The following CNTN6 variants were observed in gnomAD, a reference collection of about 807,000 sequenced individuals.
The protein encoded by CNTN6 is contactin-6.
A neutral mutation model predicts 122.8 loss-of-function variants in CNTN6; 137 were observed. That is an observed-to-expected ratio of 1.12 (90% CI 0.97 to 1.29). The LOEUF is 1.29. Among genes scored for constraint, CNTN6 ranks in the 50% most tolerant of loss-of-function variants. The pLI, the probability that CNTN6 is intolerant of heterozygous loss-of-function variation, is 0.00. For missense variants in CNTN6, 1,634 were observed against 1,223.4 expected (o/e 1.34, Z -5.01); for synonymous variants, 570 against 426.0 (o/e 1.34, Z -4.16).
At chr3:1,136,783 T>G (rs1044102167) in intron 1 of CNTN6, among the ~76,000 whole-genome samples, 1 of 152,210 alleles carries the variant, frequency 6.6e-6, no homozygotes, top group South Asian at 2.1e-4. Flanking sequence ...AAACATGGAC[T>G]CAGGATTCTG....
chr3:1,287,200 C>T (rs1048634252), intron 5 of CNTN6, among the ~76,000 whole-genome samples: 17 of 152,130 alleles, frequency 1.1e-4, no homozygotes, highest in African/African-American at 4.1e-4. Flanking sequence ...TTGAACTCAG[C>T]TCTGCACCAA....
chr3:1,262,268 C>T (rs2094858191), intron 4 of CNTN6, among the ~76,000 whole-genome samples: 1 of 152,040 alleles, frequency 6.6e-6, no homozygotes, highest in Admixed American at 6.6e-5. Flanking sequence ...TAAGCCAAAG[C>T]AATATGCAGT....
chr3:1,348,529 T>C (rs1705118987), intron 11 of CNTN6, among the ~76,000 whole-genome samples: 1 of 152,038 alleles, frequency 6.6e-6, no homozygotes, highest in Non-Finnish European at 1.5e-5. Context: ...ACTCTGAAGG[T>C]CAGATTTTAA....
Position 1,114,168 on chromosome 3 carries a change from T to C in CNTN6, c.-83+21048T>C, listed in dbSNP as rs137857554. On this transcript the variant is annotated intron_variant, in intron 1 of 22. Transcript: ENST00000446702. The stretch of plus-strand genomic sequence containing the variant: ...GTATACACCATTATAATCGCAGACT[T>C]TGGCAGAACGGGAGGGTTGAAATAA... Among the ~76,000 whole-genome samples, 567 of 152,236 alleles carry C rather than the reference T, an allele frequency of 3.7e-3. 4 individuals carry two copies. Among genetic ancestry groups the C allele is most frequent in the African/African-American group, 0.013 (542 of 41,544 alleles).
chr3:1,310,838 C>T (rs768611719), intron 7 of CNTN6, among the ~76,000 whole-genome samples: 1 of 152,056 alleles, frequency 6.6e-6, no homozygotes, highest in South Asian at 2.1e-4. Context: ...CCCATCTCTA[C>T]TAAAAATACA....
intron 4 of CNTN6, among the ~76,000 whole-genome samples, chr3:1,271,665 A>G (rs1432621692): frequency 6.6e-6 from 1 of 152,176 alleles, no homozygotes; most frequent in Non-Finnish European, 1.5e-5. Flanking sequence ...GATTCAGAGG[A>G]TTCAGGACAT....
intron 4 of CNTN6, among the ~76,000 whole-genome samples, chr3:1,262,403 A>T (rs1232093599): frequency 6.6e-6 from 1 of 152,150 alleles, no homozygotes; most frequent in East Asian, 1.9e-4. Flanking sequence ...AGATAAAGGA[A>T]CCTAGAGAGG....
At position 1,250,653 on chromosome 3, in the gene CNTN6, G is replaced by T. The variant is rs542287630; in HGVS notation, c.358+22660G>T. The stretch of plus-strand genomic sequence containing the variant: ...TCTACATAGAGCTCTGAATGTTCCC[G>T]TATCTGAACCCACTTCCCAATCCTC... On this transcript the variant is annotated intron_variant, in intron 4 of 22. Coordinates refer to ENST00000446702, the MANE Select transcript of CNTN6 (RefSeq NM_001289080.2). Among the ~76,000 whole-genome samples, 12 of 152,186 alleles carry T rather than the reference G, an allele frequency of 7.9e-5. No individual in the cohort carries two copies. The South Asian group carries it at 8.3e-4, about 11-fold the overall frequency.
At chr3:1,204,388 G>A (rs1027722743) in intron 2 of CNTN6, among the ~76,000 whole-genome samples, 1 of 152,168 alleles carries the variant, frequency 6.6e-6, no homozygotes, top group Admixed American at 6.5e-5. Context: ...AAGTAATAGG[G>A]TCAAATACCC....
chr3:1,109,342 A>G (rs533970857), intron 1 of CNTN6, among the ~76,000 whole-genome samples: 1 of 152,210 alleles, frequency 6.6e-6, no homozygotes, highest in South Asian at 2.1e-4. Flanking sequence ...ATTGTAGAGG[A>G]AAAGAAAGTA....
At chr3:1,227,485 AT>A (rs1243038596) in intron 3 of CNTN6, among the ~76,000 whole-genome samples, 1 of 152,176 alleles carries the variant, frequency 6.6e-6, no homozygotes. Flanking sequence ...GGTAAGGTAT[AT>A]GTTATTTGAA....
intron 7 of CNTN6, among the ~76,000 whole-genome samples, chr3:1,313,338 G>A (rs1259314264): frequency 6.6e-6 from 1 of 152,000 alleles, no homozygotes; most frequent in Non-Finnish European, 1.5e-5. Flanking sequence ...GTAGAAATTG[G>A]TAGTAAAATT....
At chr3:1,339,355 A>G (rs1342584734) in intron 11 of CNTN6, among the ~76,000 whole-genome samples, 1 of 152,142 alleles carries the variant, frequency 6.6e-6, no homozygotes, top group Admixed American at 6.6e-5. Flanking sequence ...CTCAAGTGTG[A>G]CTTGCCAAAC....
intron 4 of CNTN6, among the ~76,000 whole-genome samples, chr3:1,246,545 A>G (rs1232069477): frequency 6.6e-6 from 1 of 152,178 alleles, no homozygotes; most frequent in African/African-American, 2.4e-5. Context: ...TGTTGTATAT[A>G]CCAGAAATCA....
rs755202772 is a variant in CNTN6 at position 1,297,869 on chromosome 3, G to C, written c.659-20G>C. The C allele has an allele frequency of 6.3e-7, 1 of 1,574,946 alleles. No homozygotes were observed. The highest frequency in any genetic ancestry group is 8.7e-7 in the Non-Finnish European group (1 of 1,150,288). On this transcript the variant is annotated intron_variant, in intron 6 of 22. Transcript: ENST00000446702. ...CTTCTATTCTCCAGAAATGCTGCTA[G>C]CTCTTTTGATATTTAACAGGTGTGA... is the stretch of plus-strand genomic sequence containing the variant.
intron 5 of CNTN6, among the ~76,000 whole-genome samples, chr3:1,284,166 G>T (rs74643609): frequency 2.0e-5 from 3 of 152,208 alleles, no homozygotes; most frequent in Non-Finnish European, 4.4e-5. Flanking sequence ...ATCTGTGTCT[G>T]TAGCAGGAAG....
At chr3:1,173,228 GC>G (rs1310827013) in intron 2 of CNTN6, 1 of 456,640 alleles carries the variant, frequency 2.2e-6, no homozygotes. Context: ...GTCCAATTCT[GC>G]TGCTAACTGG....
intron 20 of CNTN6, among the ~76,000 whole-genome samples, chr3:1,393,487 G>A (rs1322317562): frequency 1.9e-4 from 27 of 144,342 alleles, no homozygotes; most frequent in Non-Finnish European, 2.6e-4. Context: ...CAGCGCACCA[G>A]CATGGCACAT....
intron 5 of CNTN6, among the ~76,000 whole-genome samples, chr3:1,287,463 A>G (rs1450687797): frequency 6.6e-6 from 1 of 152,136 alleles, no homozygotes; most frequent in African/African-American, 2.4e-5. Flanking sequence ...AAAGATGGAA[A>G]TTGGGAAGAA....
Sources: gnomAD v4.1 joint callset for allele counts (sites outside exome capture counted in the v4.1 genomes callset) on GRCh38, gnomAD v4.1.1 for gene constraint, MANE v1.5 for transcripts, NCBI Gene and HGNC (gene_info 2026-07-23, HGNC 2026-07-21) for gene names.